INPP4B: variants seen among roughly 807,000 people sequenced by gnomAD.
The protein encoded by INPP4B is inositol polyphosphate 4-phosphatase type II.
A neutral mutation model predicts 122.5 loss-of-function variants in INPP4B; 55 were observed. The ratio of observed to expected loss-of-function variants is 0.45; its 90% confidence interval spans 0.36 to 0.56. The LOEUF is 0.56. Ranked by LOEUF, INPP4B falls within the 20% of genes least tolerant of loss-of-function variation. INPP4B has a pLI of 0.00. For synonymous variants in INPP4B, 403 were observed against 388.7 expected (o/e 1.04, Z -0.43); for missense variants, 1,000 against 1,097.7 (o/e 0.91, Z 1.26).
intron 7 of INPP4B, among the ~76,000 whole-genome samples, chr4:142,384,410 GC>G (rs1390932117): frequency 6.6e-6 from 1 of 152,122 alleles, no homozygotes. Flanking sequence ...ACATACTTAG[GC>G]TTTATGAAAT....
chr4:142,069,420 G>T (rs1352275104), intron 25 of INPP4B, among the ~76,000 whole-genome samples: 3 of 152,158 alleles, frequency 2.0e-5, no homozygotes, highest in Non-Finnish European at 4.4e-5. Context: ...ACAATTAAAA[G>T]AACTTGAGAA....
chr4:142,301,100 C>G (rs931180096), intron 9 of INPP4B, among the ~76,000 whole-genome samples: 3 of 152,126 alleles, frequency 2.0e-5, no homozygotes, highest in African/African-American at 7.2e-5. Context: ...CAGATTACAA[C>G]TTTCACCATT....
At chr4:142,111,345 C>CTT (rs776068973) in intron 22 of INPP4B, among the ~76,000 whole-genome samples, 31 of 152,034 alleles carry the variant, frequency 2.0e-4, no homozygotes, top group African/African-American at 7.0e-4. Flanking sequence ...GTTCTATGAT[C>CTT]TTTTTTTGTT....
At chr4:142,638,162 C>CT (rs1337490823) in intron 2 of INPP4B, among the ~76,000 whole-genome samples, 1 of 152,140 alleles carries the variant, frequency 6.6e-6, no homozygotes, top group Non-Finnish European at 1.5e-5. Flanking sequence ...TTCTCATTCT[C>CT]TTGACATTGT....
chr4:142,558,835 T>TTTG (rs1189880827), intron 2 of INPP4B, among the ~76,000 whole-genome samples: 2 of 148,526 alleles, frequency 1.3e-5, no homozygotes, highest in African/African-American at 5.0e-5. Flanking sequence ...AAGCTCAATT[T>TTTG]TTTGAAGCTT....
chr4:142,108,854 T>A (rs1475083037), intron 22 of INPP4B, among the ~76,000 whole-genome samples: 2 of 152,272 alleles, frequency 1.3e-5, no homozygotes, highest in East Asian at 3.9e-4. Context: ...TAAAACCCAC[T>A]TGTCTCCCTA....
At chr4:142,157,643 T>C (rs1417746163) in intron 17 of INPP4B, among the ~76,000 whole-genome samples, 3 of 152,058 alleles carry the variant, frequency 2.0e-5, no homozygotes, top group Non-Finnish European at 4.4e-5. Flanking sequence ...CAGCTTTTCA[T>C]CAACTGGAGA....
intron 11 of INPP4B, among the ~76,000 whole-genome samples, chr4:142,249,104 G>A (rs1001311490): frequency 6.6e-6 from 1 of 152,136 alleles, no homozygotes; most frequent in African/African-American, 2.4e-5. Flanking sequence ...CCACATAGGA[G>A]GGCAAACTGC....
chr4:142,524,759 T>A (rs1174219440), intron 2 of INPP4B, among the ~76,000 whole-genome samples: 1 of 152,022 alleles, frequency 6.6e-6, no homozygotes, highest in African/African-American at 2.4e-5. Context: ...GAGCTATCTA[T>A]GACAAACCCA....
rs1825154965 is a variant in INPP4B at position 142,170,628 on chromosome 4, T to C, written c.1359+3004A>G. On this transcript the variant is annotated intron_variant, in intron 16 of 25. Coordinates refer to ENST00000262992, the MANE Select transcript of INPP4B (RefSeq NM_001101669.3). ...GGAAGACTACATGTTAAAATAATAT[T>C]ATCCACCTCATGGAACTCTGAAAAT... Among the ~76,000 whole-genome samples, 4 of 151,808 alleles carry C rather than the reference T, an allele frequency of 2.6e-5. No homozygotes were observed. In the South Asian group the frequency reaches 8.3e-4, roughly 31 times the overall value.
chr4:142,651,097 T>A lies in INPP4B; in HGVS notation c.-191+74742A>T, dbSNP rs116303862. On this transcript the variant is annotated intron_variant, in intron 2 of 25. Coordinates refer to ENST00000262992, the MANE Select transcript of INPP4B (RefSeq NM_001101669.3). The stretch of plus-strand genomic sequence containing the variant: ...CAAAATTGTGCAACTACATAGAAAC[T>A]GAAATCCTGCTCCTAAATGACTACT... Among the ~76,000 whole-genome samples, 1,352 of 152,220 alleles carry A rather than the reference T, an allele frequency of 8.9e-3. 25 individuals carry two copies. The highest frequency in any genetic ancestry group is 0.031 in the African/African-American group (1,282 of 41,526).
At chr4:142,207,852 A>T (rs1244595352) in intron 14 of INPP4B, among the ~76,000 whole-genome samples, 1 of 152,160 alleles carries the variant, frequency 6.6e-6, no homozygotes, top group South Asian at 2.1e-4. Context: ...TAAATATGAC[A>T]CCATATTGGT....
rs1230964255 is a variant in INPP4B at position 142,027,078 on chromosome 4, A to AAG, written c.*1702_*1703dup. On this transcript the variant is annotated 3_prime_UTR_variant, in exon 26 of 26. Transcript: ENST00000262992. ...TAATCACTAAAATAAAGAATGAGTT[A>AAG]AGAGAACATCAAGGTAATTTTGTCT... is the stretch of plus-strand genomic sequence containing the variant. 3.6e-4 allele frequency: 55 copies of AAG among 152,232 alleles called. No individual in the cohort carries two copies. Among genetic ancestry groups the AAG allele is most frequent in the Admixed American group, 1.4e-3 (22 of 15,286 alleles). 9.4% of individuals were successfully genotyped at this position (152,232 alleles called of 1,614,324 possible). A position where few individuals can be genotyped will look rare whatever the true frequency, so the allele number is the denominator to read the frequency against.
chr4:142,192,241 C>A (rs371036604), intron 15 of INPP4B, among the ~76,000 whole-genome samples: 1 of 145,454 alleles, frequency 6.9e-6, no homozygotes, highest in East Asian at 2.1e-4. Flanking sequence ...GGCAAAATAA[C>A]CTGTACACCA....
Position 142,028,008 on chromosome 4 carries a change from T to C in INPP4B, c.*774A>G. ...GGAATTTTCATTTTGGGTATCAAAA[T>C]GTTGTTCATTTTTATTTTATTTGTA... On this transcript the variant is annotated 3_prime_UTR_variant, in exon 26 of 26. Coordinates refer to ENST00000262992, the MANE Select transcript of INPP4B (RefSeq NM_001101669.3). 4.9e-6 allele frequency: 1 copy of C among 203,612 alleles called. No individual in the cohort carries two copies. Among genetic ancestry groups the C allele is most frequent in the Non-Finnish European group, 1.0e-5 (1 of 99,132 alleles). 12.6% of individuals were successfully genotyped at this position (203,612 alleles called of 1,614,324 possible).
At chr4:142,620,133 C>T (rs114184437) in intron 2 of INPP4B, among the ~76,000 whole-genome samples, 1,584 of 152,012 alleles carry the variant, frequency 0.01, 9 homozygotes, top group Non-Finnish European at 0.017. Flanking sequence ...TACCATTCGG[C>T]CCAACAATTC....
intron 9 of INPP4B, among the ~76,000 whole-genome samples, chr4:142,286,322 C>T (rs1167538106): frequency 6.6e-6 from 1 of 151,974 alleles, no homozygotes. Flanking sequence ...AGTTAAATGG[C>T]CTTTGTCATC....
intron 7 of INPP4B, among the ~76,000 whole-genome samples, chr4:142,364,662 T>A (rs1786735813): frequency 6.6e-6 from 1 of 151,958 alleles, no homozygotes; most frequent in Admixed American, 6.6e-5. Context: ...GATGGATGGA[T>A]CCCACAGAAA....
rs528035184 is a variant in INPP4B, at chr4:142,057,242, A to G, written c.2642+24789T>C. The stretch of plus-strand genomic sequence containing the variant: ...TTGTAACAATAAATATTCCATTTTA[A>G]TAGTATGTTAAAAATCACTCATAAG... On this transcript the variant is annotated intron_variant, in intron 25 of 25. Coordinates refer to ENST00000262992, the MANE Select transcript of INPP4B (RefSeq NM_001101669.3). Among the ~76,000 whole-genome samples the G allele has an allele frequency of 7.6e-3, 378 of 49,932 alleles. 1 individual carries two copies. The highest frequency in any genetic ancestry group is 8.1e-3 in the Non-Finnish European group (97 of 12,042). The allele number at this position is 49,932 out of a possible 152,430, so 32.8% of individuals were successfully genotyped here.
Sources: gnomAD v4.1 joint callset for allele counts (sites outside exome capture counted in the v4.1 genomes callset) on GRCh38, gnomAD v4.1.1 for gene constraint, MANE v1.5 for transcripts, NCBI Gene and HGNC (gene_info 2026-07-23, HGNC 2026-07-21) for gene names.